The following LRRFIP1 variants were observed in gnomAD, a reference collection of about 807,000 sequenced individuals.
LRRFIP1 encodes LRR binding FLII interacting protein 1.
Under a neutral mutation model 104.4 loss-of-function variants are expected in LRRFIP1, and 62 were observed. That is an observed-to-expected ratio of 0.59 (90% CI 0.48 to 0.73). LRRFIP1 has a LOEUF of 0.73. LRRFIP1 is among the 30% of genes least tolerant of loss of function. The probability of loss-of-function intolerance (pLI) is 0.00; values close to 1 mark genes in which losing one functional copy is unlikely to be tolerated. For synonymous variants in LRRFIP1, 300 were observed against 299.0 expected, an observed-to-expected ratio of 1.00 and a Z score of -0.03; for missense variants, 796 against 824.5, an observed-to-expected ratio of 0.97 and a Z score of 0.42.
At position 237,719,565 on chromosome 2, in the gene LRRFIP1, T is replaced by G. The variant is rs765240291; in HGVS notation, c.292T>G (p.Ser98Ala). Residue 98 changes from serine to alanine, a missense_variant and splice_region_variant, in exon 5 of 24, where the codon TCG becomes GCG. By Grantham distance (99) the Ser-to-Ala change is moderately conservative (BLOSUM62 1). Transcript: ENST00000308482. Reference sequence around the variant, plus strand: ...CTCTCGTAGATCCAGAAGAAACACATCGGTTAGTACCGTGTTCATTCATTA... The same window carrying G: ...CTCTCGTAGATCCAGAAGAAACACAGCGGTTAGTACCGTGTTCATTCATTA... The part of the protein sequence containing the change: ...RYSRRSRRNT[S>A]ASDEDERMSV... 6.2e-7 allele frequency: 1 copy of G among 1,612,948 alleles called. No individual in the cohort carries two copies. The highest frequency in any genetic ancestry group is 8.5e-7 in the Non-Finnish European group (1 of 1,179,080).
chr2:237,754,736 G>T (rs1188046873), intron 15 of LRRFIP1, among the ~76,000 whole-genome samples: 1 of 152,232 alleles, frequency 6.6e-6, no homozygotes, highest in Admixed American at 6.5e-5. Context: ...TGCAAGAGGG[G>T]AGCTTTTCAC....
chr2:237,680,982 AAAAC>A (rs1559530280), intron 1 of LRRFIP1, among the ~76,000 whole-genome samples: 1 of 152,224 alleles, frequency 6.6e-6, no homozygotes, highest in Non-Finnish European at 1.5e-5. Flanking sequence ...CCCTGTGTCA[AAAAC>A]AACAACAACA....
At chr2:237,778,157 T>A (rs887979622) in intron 23 of LRRFIP1, among the ~76,000 whole-genome samples, 12 of 152,224 alleles carry the variant, frequency 7.9e-5, no homozygotes, top group Non-Finnish European at 1.8e-4. Context: ...CCTTAGTGTT[T>A]TGTGAGCTTA....
At chr2:237,653,393 A>G (rs1406909609) in intron 1 of LRRFIP1, among the ~76,000 whole-genome samples, 1 of 152,242 alleles carries the variant, frequency 6.6e-6, no homozygotes, top group Non-Finnish European at 1.5e-5. Context: ...TCCCATGTTC[A>G]TGGACTGGAA....
intron 1 of LRRFIP1, among the ~76,000 whole-genome samples, chr2:237,631,841 G>A (rs1013156840): frequency 5.9e-5 from 9 of 152,226 alleles, no homozygotes; most frequent in African/African-American, 1.7e-4. Flanking sequence ...GAGACAGTGC[G>A]GTGAGCTTAT....
chr2:237,712,447 AAAAT>A (rs1404684068), intron 2 of LRRFIP1, among the ~76,000 whole-genome samples: 1 of 152,218 alleles, frequency 6.6e-6, no homozygotes, highest in Non-Finnish European at 1.5e-5. Context: ...CATGCCTTGA[AAAAT>A]AAAGTTCTCC....
chr2:237,730,261 A>C (rs2094941223), intron 8 of LRRFIP1, among the ~76,000 whole-genome samples: 1 of 152,210 alleles, frequency 6.6e-6, no homozygotes, highest in Non-Finnish European at 1.5e-5. Context: ...TTGGAAGGAA[A>C]ATCCAGAGTC....
intron 20 of LRRFIP1, among the ~76,000 whole-genome samples, chr2:237,771,643 G>C (rs551733423): frequency 7.1e-6 from 1 of 139,882 alleles, no homozygotes; most frequent in South Asian, 2.2e-4. Flanking sequence ...CCAACTCCCT[G>C]AAAGCTGGCA....
chr2:237,763,741 A>G (rs770269477), intron 19 of LRRFIP1: 7 of 1,614,238 alleles, frequency 4.3e-6, no homozygotes, highest in Admixed American at 1.7e-5. Flanking sequence ...ATGGAGACAC[A>G]TTAGATTTTG....
chr2:237,753,550 C>G lies in LRRFIP1; in HGVS notation c.1038+71C>G, dbSNP rs2058889086. 66 of 1,321,712 alleles carry G rather than the reference C, an allele frequency of 5.0e-5. 1 individual carries two copies. The highest frequency in any genetic ancestry group is 6.7e-5 in the Non-Finnish European group (66 of 990,554). 81.9% of individuals were successfully genotyped at this position (1,321,712 alleles called of 1,614,324 possible). On this transcript the variant is annotated intron_variant, in intron 15 of 23. Coordinates refer to ENST00000308482, the MANE Select transcript of LRRFIP1 (RefSeq NM_001137550.2). The stretch of plus-strand genomic sequence containing the variant: ...GTGGCCCATGCCTGTAATTCTGGTA[C>G]TTTGGGAGGCCAAGGTGGGAGGATT...
intron 2 of LRRFIP1, among the ~76,000 whole-genome samples, chr2:237,709,619 A>G (rs1252000848): frequency 6.6e-6 from 1 of 152,148 alleles, no homozygotes; most frequent in African/African-American, 2.4e-5. Flanking sequence ...GCAAAGACCA[A>G]GCTGGCCACA....
intron 1 of LRRFIP1, chr2:237,692,461 C>T (rs1425576036): frequency 2.0e-6 from 3 of 1,528,160 alleles, no homozygotes; most frequent in Middle Eastern, 1.9e-4. Context: ...GCAGGATGAC[C>T]AGCCCCGCGG....
At chr2:237,652,342 C>G (rs184072418) in intron 1 of LRRFIP1, among the ~76,000 whole-genome samples, 3 of 152,290 alleles carry the variant, frequency 2.0e-5, no homozygotes, top group Non-Finnish European at 1.5e-5. Flanking sequence ...GATGAGATCA[C>G]CAAGGGCACC....
At chr2:237,738,050 C>T (rs1247433147) in intron 10 of LRRFIP1, among the ~76,000 whole-genome samples, 1 of 152,170 alleles carries the variant, frequency 6.6e-6, no homozygotes, top group Non-Finnish European at 1.5e-5. Flanking sequence ...CATCTGGTCA[C>T]TAGCCCTGGT....
At position 237,748,406 on chromosome 2, in the gene LRRFIP1, A is replaced by G; in HGVS notation, c.669+7A>G. 6.2e-7 allele frequency: 1 copy of G among 1,602,292 alleles called. No individual in the cohort carries two copies. The highest frequency in any genetic ancestry group is 8.5e-7 in the Non-Finnish European group (1 of 1,176,174). ...AAAAGATTTTACTGAGAAGGTAAGG[A>G]ATCGTTCATAAACCTAGAGGGTCCC... On this transcript the variant is annotated splice_region_variant and intron_variant, in intron 12 of 23. Transcript: ENST00000308482.
At chr2:237,630,110 C>T (rs1362410733) in intron 1 of LRRFIP1, among the ~76,000 whole-genome samples, 1 of 152,172 alleles carries the variant, frequency 6.6e-6, no homozygotes, top group Non-Finnish European at 1.5e-5. Context: ...ACGCCCCTCC[C>T]GGTAAAACCC....
chr2:237,772,663 CA>C, intron 21 of LRRFIP1: 1 of 592,100 alleles, frequency 1.7e-6, no homozygotes, highest in Non-Finnish European at 3.0e-6. Context: ...GCCCCAAGCA[CA>C]GGGGCGGAAG....
Position 237,685,672 on chromosome 2 carries a change from C to T in LRRFIP1, c.97-22872C>T, listed in dbSNP as rs117842317. ...TGCCAGTGCCTGCAGCTCCCCTCCC[C>T]GCTCCCCACACCCAGCCTTTGGTCG... On this transcript the variant is annotated intron_variant, in intron 1 of 23. Coordinates refer to ENST00000308482, the MANE Select transcript of LRRFIP1 (RefSeq NM_001137550.2). Among the ~76,000 whole-genome samples, 541 of 152,282 alleles carry T rather than the reference C, an allele frequency of 3.6e-3. 10 individuals are homozygous for T. The East Asian group carries it at 0.046, about 13-fold the overall frequency.
chr2:237,764,121 A>G (rs200989948), intron 19 of LRRFIP1: 17 of 1,614,162 alleles, frequency 1.1e-5, no homozygotes, highest in Middle Eastern at 1.6e-4. Context: ...AAAAGCAAAG[A>G]AGACTGTACC....
Sources: allele counts gnomAD v4.1 joint callset (sites outside exome capture counted in the v4.1 genomes callset), GRCh38; gene constraint gnomAD v4.1.1; transcripts MANE v1.5; gene names NCBI Gene and HGNC (gene_info 2026-07-23, HGNC 2026-07-21).